NRAP: variants seen among roughly 807,000 people sequenced by gnomAD.
The protein encoded by NRAP is nebulin-related-anchoring protein.
NRAP carries 189 observed loss-of-function variants against 225.9 expected under a neutral mutation model. The observed-to-expected ratio is 0.84, with a 90% CI of 0.74 to 0.94. The LOEUF is 0.94. NRAP is among the 40% of genes least tolerant of loss of function. The pLI, the probability that NRAP is intolerant of heterozygous loss-of-function variation, is 0.00. For synonymous variants in NRAP, 769 were observed against 790.7 expected (o/e 0.97, Z 0.46); for missense variants, 2,176 against 2,168.7 (o/e 1.00, Z -0.07).
Position 113,590,864 on chromosome 10 carries a change from C to T in NRAP, c.4670G>A (p.Arg1557Gln), listed in dbSNP as rs780711567. 1.1e-5 allele frequency: 18 copies of T among 1,613,866 alleles called. No homozygotes were observed. Among genetic ancestry groups the T allele is most frequent in the Admixed American group, 1.7e-5 (1 of 60,004 alleles). The change falls in exon 40 of 42, where the codon CGG (arginine) becomes CAG (glutamine). Residue 1557 changes from arginine to glutamine, a missense_variant. By Grantham distance (43) the Arg-to-Gln change is conservative (BLOSUM62 1). Coordinates refer to ENST00000359988, the MANE Select transcript of NRAP (RefSeq NM_198060.4). ...GTACCCGATCTGCAGGCCTCGGTCCCGCAGGAAAGCCTCTTTGTACCGGAA... is the reference window on the plus strand; with the variant it reads ...GTACCCGATCTGCAGGCCTCGGTCCTGCAGGAAAGCCTCTTTGTACCGGAA... ...SDFRYKEAFLRDRGLQIGYRS... is the reference protein window; with the variant it reads ...SDFRYKEAFLQDRGLQIGYRS...
At chr10:113,634,559 T>C (rs1358857169) in intron 14 of NRAP, among the ~76,000 whole-genome samples, 1 of 152,162 alleles carries the variant, frequency 6.6e-6, no homozygotes, top group African/African-American at 2.4e-5. Flanking sequence ...TAACACAAAG[T>C]GTTGGCAAAG....
chr10:113,610,533 G>T lies in NRAP; in HGVS notation c.3529C>A (p.Arg1177=). ...NLYRSDLNFM[R]GVACVIPGTL... is the part of the protein sequence containing the mutation. The stretch of plus-strand genomic sequence containing the variant: ...CCTGGAATGACACATGCAACACCTC[G>T]CATAAAGTTCAGGTCTGACCGGTAC... The change falls in exon 31 of 42, where the codon CGA becomes AGA. Residue 1177 remains arginine (R), a synonymous_variant. Coordinates refer to ENST00000359988, the MANE Select transcript of NRAP (RefSeq NM_198060.4). 1.2e-6 allele frequency: 2 copies of T among 1,601,714 alleles called. No homozygotes were observed. Among genetic ancestry groups the T allele is most frequent in the Non-Finnish European group, 1.7e-6 (2 of 1,168,856 alleles).
In NRAP at chr10:113,597,963, T is replaced by A. The variant is rs373824060; in HGVS notation, c.4332+6A>T. 71 of 1,594,838 alleles carry A rather than the reference T, an allele frequency of 4.5e-5. No homozygotes were observed. The highest frequency in any genetic ancestry group is 8.3e-5 in the Admixed American group (5 of 59,972). The stretch of plus-strand genomic sequence containing the variant: ...GTCACTTGTGGTGGGGACAGGTTGA[T>A]GGTACCTCGCTGATGAGTTCTCCAG... On this transcript the variant is annotated splice_donor_region_variant and intron_variant, in intron 36 of 41. Transcript: ENST00000359988.
chr10:113,593,643 T>A (rs922529866), intron 38 of NRAP, among the ~76,000 whole-genome samples: 2 of 152,258 alleles, frequency 1.3e-5, no homozygotes, highest in African/African-American at 4.8e-5. Context: ...CAGTTAGGAC[T>A]GAAAGACATG....
At chr10:113,614,509 A>C (rs370559684) in intron 28 of NRAP, among the ~76,000 whole-genome samples, 3 of 152,334 alleles carry the variant, frequency 2.0e-5, no homozygotes, top group African/African-American at 7.2e-5. Flanking sequence ...ATGCATTAGC[A>C]CGTGGGCGGC....
At chr10:113,655,137 G>A (rs1242725112) in intron 4 of NRAP, among the ~76,000 whole-genome samples, 1 of 152,228 alleles carries the variant, frequency 6.6e-6, no homozygotes, top group Non-Finnish European at 1.5e-5. Flanking sequence ...ATTGAAACAA[G>A]ATGCAGATTG....
At chr10:113,655,641 A>G (rs1306097730) in intron 4 of NRAP, among the ~76,000 whole-genome samples, 1 of 151,828 alleles carries the variant, frequency 6.6e-6, no homozygotes, top group Non-Finnish European at 1.5e-5. Context: ...TTTTTAGTAG[A>G]GATGGGCCAT....
At chr10:113,629,972 G>C (rs1018244339) in intron 18 of NRAP, among the ~76,000 whole-genome samples, 187 bp from the exon 19 acceptor site, 3 of 152,208 alleles carry the variant, frequency 2.0e-5, no homozygotes, top group Admixed American at 2.0e-4. Flanking sequence ...GGGAGCTGAG[G>C]TTCCATACTA....
chr10:113,611,023 C>T (rs1847288524), intron 30 of NRAP, among the ~76,000 whole-genome samples: 1 of 152,164 alleles, frequency 6.6e-6, no homozygotes. Context: ...CTGGCAAAGG[C>T]CTGCCTGAGT....
chr10:113,592,241 C>A lies in NRAP; in HGVS notation c.4597G>T (p.Ala1533Ser). Residue 1533 changes from alanine to serine, a missense_variant, in exon 39 of 42, where the codon GCC becomes TCC. Physicochemically the swap from Ala to Ser is moderately conservative, Grantham distance 99. This residue lies in a region of NRAP where 445 missense variants were observed against 426.1 expected (regional missense o/e 1.04). Transcript: ENST00000359988. ...RAGSYDFRLD[A>S]IPFQTARASR... ...GCCCGGGCAGTCTGGAAGGGGATGG[C>A]ATCCAGCCTGAAGTCATAACTGCCA... 4.3e-6 allele frequency: 7 copies of A among 1,612,796 alleles called. No individual in the cohort carries two copies. Among genetic ancestry groups the A allele is most frequent in the Non-Finnish European group, 5.9e-6 (7 of 1,179,240 alleles).
At chr10:113,614,420 G>A (rs1847519355) in intron 28 of NRAP, 124 bp from the exon 29 acceptor site, 1 of 708,992 alleles carries the variant, frequency 1.4e-6, no homozygotes, top group African/African-American at 1.8e-5. Flanking sequence ...AAAAGAAAAT[G>A]CGCGGGAGTC....
chr10:113,635,628 G>A lies in NRAP; in HGVS notation c.1429-1418C>T, dbSNP rs768404904. Among the ~76,000 whole-genome samples the A allele has an allele frequency of 9.2e-5, 14 of 152,112 alleles. No homozygotes were observed. In the South Asian group the frequency reaches 1.2e-3, roughly 14 times the overall value. ...TTTTTAGTAGAGACAGGGTTTCCCC[G>A]TGTTGGCCAGGCTGGTCTGGAACCC... On this transcript the variant is annotated intron_variant, in intron 14 of 41. Transcript: ENST00000359988.
intron 35 of NRAP, among the ~76,000 whole-genome samples, chr10:113,602,813 T>C (rs562289858): frequency 1.3e-4 from 20 of 152,192 alleles, no homozygotes; most frequent in Non-Finnish European, 2.5e-4. Context: ...TGCTGTTTCA[T>C]ATAGACCAGT....
chr10:113,647,570 C>T (rs79372119), intron 9 of NRAP, among the ~76,000 whole-genome samples: 8,500 of 62,472 alleles, frequency 0.14, 1,178 homozygotes, highest in East Asian at 0.2. Flanking sequence ...AGTGGTACTG[C>T]CTCCCCTGGT....
intron 3 of NRAP, among the ~76,000 whole-genome samples, chr10:113,658,881 CAAA>C (rs57340533): frequency 1.0e-4 from 8 of 78,140 alleles, no homozygotes; most frequent in Non-Finnish European, 1.1e-4. Flanking sequence ...GACCCTGTCT[CAAA>C]AAAAAAAAAA....
At chr10:113,597,917 A>G in intron 36 of NRAP, 52 bp downstream of exon 36, 1 of 1,276,864 alleles carries the variant, frequency 7.8e-7, no homozygotes, top group Non-Finnish European at 1.1e-6. Context: ...CCTCTTCAAA[A>G]GGAAATGCTA....
intron 28 of NRAP, 83 bp from the exon 29 acceptor site, chr10:113,614,379 T>G (rs1477085738): frequency 1.2e-5 from 12 of 972,804 alleles, no homozygotes; most frequent in Non-Finnish European, 1.8e-5. Context: ...GGTGAAAATG[T>G]TTTGTTCTTT....
chr10:113,615,052 C>T (rs932347320), intron 27 of NRAP, 106 bp from the exon 28 acceptor site: 4 of 725,542 alleles, frequency 5.5e-6, no homozygotes, highest in Non-Finnish European at 7.5e-6. Context: ...CCCCTCCCTC[C>T]CCTGGCCAGT....
At chr10:113,652,618 A>G (rs1270705576) in intron 6 of NRAP, among the ~76,000 whole-genome samples, 1 of 151,710 alleles carries the variant, frequency 6.6e-6, no homozygotes, top group Non-Finnish European at 1.5e-5. Context: ...AATAAAATAA[A>G]AATAAAAATA....
Sources: allele counts gnomAD v4.1 joint callset (sites outside exome capture counted in the v4.1 genomes callset), GRCh38; gene constraint gnomAD v4.1.1; regional missense constraint gnomAD v4.1.1; transcripts MANE v1.5; gene names NCBI Gene and HGNC (gene_info 2026-07-23, HGNC 2026-07-21).